Variants in KCNK1 observed in about 807,000 individuals in gnomAD.
The protein encoded by KCNK1 is potassium channel subfamily K member 1.
Under a neutral mutation model 22.2 loss-of-function variants are expected in KCNK1, and 10 were observed. The ratio of observed to expected loss-of-function variants is 0.45; its 90% CI spans 0.28 to 0.76. The LOEUF is 0.76. Among genes scored for constraint, KCNK1 ranks in the 30% least tolerant of loss-of-function variants. The probability of loss-of-function intolerance (pLI) is 0.14; values close to 1 mark genes in which losing one functional copy is unlikely to be tolerated. For missense variants in KCNK1, 378 were observed against 421.0 expected (o/e 0.90, Z 0.89); for synonymous variants, 200 against 186.4 (o/e 1.07, Z -0.60).
chr1:233,647,800 C>A (rs1658124262), intron 1 of KCNK1, among the ~76,000 whole-genome samples: 1 of 152,146 alleles, frequency 6.6e-6, no homozygotes. Context: ...GTTGGTAAGA[C>A]CAGGAGGTGC....
intron 1 of KCNK1, among the ~76,000 whole-genome samples, chr1:233,663,840 C>T (rs1430272400): frequency 1.3e-5 from 2 of 150,350 alleles, no homozygotes; most frequent in East Asian, 2.0e-4. Context: ...TTTTTTTTTG[C>T]GGGGGGGTGG....
chr1:233,665,182 C>T (rs1000989059), intron 1 of KCNK1, among the ~76,000 whole-genome samples: 3 of 152,092 alleles, frequency 2.0e-5, no homozygotes, highest in Non-Finnish European at 2.9e-5. Flanking sequence ...ACAGAAATGA[C>T]CGGGGGGTGG....
chr1:233,631,130 C>A, intron 1 of KCNK1: 1 of 408,180 alleles, frequency 2.4e-6, no homozygotes. Context: ...AAAGACCGTG[C>A]CTCATCTCTG....
At chr1:233,666,325 AT>A (rs1207132117) in intron 1 of KCNK1, among the ~76,000 whole-genome samples, 4 of 152,138 alleles carry the variant, frequency 2.6e-5, no homozygotes, top group African/African-American at 9.7e-5. Context: ...TTTGAGCCTG[AT>A]AGTGAATTCA....
At chr1:233,669,643 T>G (rs1374323502) in intron 2 of KCNK1, among the ~76,000 whole-genome samples, 1 of 152,132 alleles carries the variant, frequency 6.6e-6, no homozygotes, top group African/African-American at 2.4e-5. Flanking sequence ...GGCCAGGAGT[T>G]CGAGACCAAC....
intron 1 of KCNK1, among the ~76,000 whole-genome samples, chr1:233,647,687 A>G (rs1457743526): frequency 6.6e-6 from 1 of 152,164 alleles, no homozygotes; most frequent in African/African-American, 2.4e-5. Context: ...TGGTGCATCC[A>G]TGGTAGTTAA....
intron 1 of KCNK1, among the ~76,000 whole-genome samples, chr1:233,642,715 T>C (rs1033588673): frequency 1.3e-5 from 2 of 152,034 alleles, no homozygotes; most frequent in Admixed American, 6.5e-5. Flanking sequence ...GCAGCGGTGA[T>C]AGAGTAAAAG....
rs544594163 is a variant in KCNK1 at position 233,629,229 on chromosome 1, AC to A, written c.355+14707del. Reference sequence around the variant, plus strand: ...AGACCTAACTGTTGAATTGTATGGGACCCCATGGTAATTGGGTAATTGGGTA... The same window carrying A: ...AGACCTAACTGTTGAATTGTATGGGACCCATGGTAATTGGGTAATTGGGTA... On this transcript the variant is annotated intron_variant, in intron 1 of 2. Transcript: ENST00000366621. Among the ~76,000 whole-genome samples, 19 of 152,246 alleles carry A rather than the reference AC, an allele frequency of 1.2e-4. No individual in the cohort carries two copies. In the South Asian group the frequency reaches 3.9e-3, roughly 32 times the overall value.
At chr1:233,650,813 AC>A (rs202058081) in intron 1 of KCNK1, among the ~76,000 whole-genome samples, 240 of 151,308 alleles carry the variant, frequency 1.6e-3, no homozygotes, top group African/African-American at 5.7e-3. Flanking sequence ...AAAAAAAAAA[AC>A]TGTTGACTTC....
chr1:233,615,733 AC>A (rs1336875059), intron 1 of KCNK1, among the ~76,000 whole-genome samples: 4 of 126,848 alleles, frequency 3.2e-5, no homozygotes, highest in African/African-American at 9.0e-5. Flanking sequence ...CTTCCTCCCC[AC>A]CCCCCTCCAC....
chr1:233,653,339 G>C (rs1010415736), intron 1 of KCNK1, among the ~76,000 whole-genome samples: 3 of 152,150 alleles, frequency 2.0e-5, no homozygotes, highest in Non-Finnish European at 4.4e-5. Flanking sequence ...ATATCCCCTG[G>C]TCTGTTGGCC....
intron 1 of KCNK1, among the ~76,000 whole-genome samples, chr1:233,642,478 G>T (rs1658015612): frequency 6.6e-6 from 1 of 152,218 alleles, no homozygotes; most frequent in Non-Finnish European, 1.5e-5. Context: ...AAAGATGAAA[G>T]GGAGCAGCAT....
chr1:233,652,468 A>G (rs1312022339), intron 1 of KCNK1, among the ~76,000 whole-genome samples: 2 of 152,152 alleles, frequency 1.3e-5, no homozygotes, highest in Non-Finnish European at 2.9e-5. Flanking sequence ...TTTATCTGTA[A>G]AATAGGGATA....
At position 233,654,782 on chromosome 1, in the gene KCNK1, T is replaced by C. The variant is rs759345740; in HGVS notation, c.356-11813T>C. Among the ~76,000 whole-genome samples, 9 of 152,074 alleles carry C rather than the reference T, an allele frequency of 5.9e-5. No individual in the cohort carries two copies. The East Asian group carries it at 7.7e-4, about 13-fold the overall frequency. ...ATAAATAAATAAATGAGAAGGCACA[T>C]TGGGAAAGAACACCAAGGGTGCGGC... On this transcript the variant is annotated intron_variant, in intron 1 of 2. Coordinates refer to ENST00000366621, the MANE Select transcript of KCNK1 (RefSeq NM_002245.4).
chr1:233,626,289 A>G (rs1657688156), intron 1 of KCNK1, among the ~76,000 whole-genome samples: 1 of 152,152 alleles, frequency 6.6e-6, no homozygotes, highest in East Asian at 1.9e-4. Context: ...AGCCCCTGGC[A>G]ATGTGGTTCT....
At chr1:233,662,359 TACTA>T (rs1375432863) in intron 1 of KCNK1, among the ~76,000 whole-genome samples, 1 of 152,152 alleles carries the variant, frequency 6.6e-6, no homozygotes, top group Non-Finnish European at 1.5e-5. Flanking sequence ...TTCCATATCA[TACTA>T]AATAATGCAA....
chr1:233,658,315 C>A (rs1419732954), intron 1 of KCNK1, among the ~76,000 whole-genome samples: 1 of 151,862 alleles, frequency 6.6e-6, no homozygotes, highest in African/African-American at 2.4e-5. Context: ...GAGAATGAAC[C>A]CTGAAAATGT....
In KCNK1 at chr1:233,616,559, G is replaced by A. The variant is rs543796315; in HGVS notation, c.355+2033G>A. Among the ~76,000 whole-genome samples, 57 of 152,252 alleles carry A rather than the reference G, an allele frequency of 3.7e-4. 1 individual carries two copies. Among genetic ancestry groups the A allele is most frequent in the Middle Eastern group, 3.4e-3 (1 of 294 alleles). The stretch of plus-strand genomic sequence containing the variant: ...TCATGCAAAACAAGTGTTCATTTAA[G>A]AAATCAGTGCAAGGGGCACTTAAGG... On this transcript the variant is annotated intron_variant, in intron 1 of 2. Coordinates refer to ENST00000366621, the MANE Select transcript of KCNK1 (RefSeq NM_002245.4).
intron 1 of KCNK1, among the ~76,000 whole-genome samples, chr1:233,633,330 A>G (rs920791424): frequency 6.6e-6 from 1 of 151,996 alleles, no homozygotes; most frequent in African/African-American, 2.4e-5. Flanking sequence ...TGGAGTATGT[A>G]TTATAGGATT....
Sources: gnomAD v4.1 joint callset for allele counts (sites outside exome capture counted in the v4.1 genomes callset) on GRCh38, gnomAD v4.1.1 for gene constraint, MANE v1.5 for transcripts, NCBI Gene and HGNC (gene_info 2026-07-23, HGNC 2026-07-21) for gene names.